The following LRMDA variants were observed in gnomAD, a reference collection of about 807,000 sequenced individuals.
LRMDA encodes the protein leucine rich melanocyte differentiation associated.
In LRMDA, 18 loss-of-function variants were observed where a neutral mutation model predicts 29.8. That is an observed-to-expected ratio of 0.60 (90% confidence interval 0.42 to 0.90). LRMDA has a LOEUF of 0.90. LRMDA is among the 40% of genes least tolerant of loss of function. The pLI, the probability that LRMDA is intolerant of heterozygous loss-of-function variation, is 0.00. For missense variants in LRMDA, 273 were observed against 273.9 expected (o/e 1.00, Z 0.02); for synonymous variants, 125 against 109.4 (o/e 1.14, Z -0.89).
In LRMDA at chr10:76,228,623, G is replaced by A. The variant is rs900827694; in HGVS notation, c.517-95778G>A. Among the ~76,000 whole-genome samples, 3 of 152,272 alleles carry A rather than the reference G, an allele frequency of 2.0e-5. No individual in the cohort carries two copies. The South Asian group carries it at 6.2e-4, about 32-fold the overall frequency. ...ATGCACTGAATCAATTCAGGGTGGG[G>A]CCACAGGAGTGGGGTTGGCGAGTCC... On this transcript the variant is annotated intron_variant, in intron 5 of 6. Transcript: ENST00000611255.
chr10:76,463,365 A>C (rs138411458), intron 6 of LRMDA, among the ~76,000 whole-genome samples: 104 of 152,364 alleles, frequency 6.8e-4, no homozygotes, highest in African/African-American at 2.5e-3. Flanking sequence ...AAAAGCTATC[A>C]TTCTAAACAG....
At chr10:75,917,697 C>T (rs1201166003) in intron 2 of LRMDA, among the ~76,000 whole-genome samples, 3 of 152,178 alleles carry the variant, frequency 2.0e-5, no homozygotes, top group Admixed American at 2.0e-4. Flanking sequence ...TTCTTTATAC[C>T]TCACAACATG....
intron 2 of LRMDA, among the ~76,000 whole-genome samples, chr10:75,936,042 T>A (rs1392946031): frequency 6.6e-6 from 1 of 152,096 alleles, no homozygotes; most frequent in Non-Finnish European, 1.5e-5. Context: ...TGATTATAAG[T>A]GAGAGGCAGT....
At chr10:76,419,172 GT>G (rs1210018127) in intron 6 of LRMDA, among the ~76,000 whole-genome samples, 1 of 152,028 alleles carries the variant, frequency 6.6e-6, no homozygotes, top group African/African-American at 2.4e-5. Context: ...GAAATTACAT[GT>G]TTCCACTATT....
intron 2 of LRMDA, among the ~76,000 whole-genome samples, chr10:75,630,038 C>T (rs1387347399): frequency 3.3e-5 from 5 of 152,194 alleles, no homozygotes; most frequent in Admixed American, 2.0e-4. Flanking sequence ...CATAAATCAT[C>T]GTGATCAGGA....
intron 2 of LRMDA, among the ~76,000 whole-genome samples, chr10:75,986,467 G>T (rs890536879): frequency 1.3e-5 from 2 of 152,216 alleles, no homozygotes; most frequent in Admixed American, 1.3e-4. Flanking sequence ...TGCAATGCTC[G>T]TTGTCATATG....
At chr10:75,791,856 CTTTT>C (rs5786188) in intron 2 of LRMDA, among the ~76,000 whole-genome samples, 1 of 102,056 alleles carries the variant, frequency 9.8e-6, no homozygotes, top group Non-Finnish European at 2.0e-5. Context: ...ATTCCAGGAT[CTTTT>C]TTTTTTTTTT....
intron 5 of LRMDA, among the ~76,000 whole-genome samples, chr10:76,157,213 C>T (rs952891519): frequency 4.6e-5 from 7 of 152,050 alleles, no homozygotes; most frequent in Admixed American, 1.3e-4. Context: ...CCAGTTTCCA[C>T]GTCAGGAAAT....
intron 2 of LRMDA, among the ~76,000 whole-genome samples, chr10:75,507,767 C>A (rs918397465): frequency 1.3e-5 from 2 of 152,180 alleles, no homozygotes; most frequent in Non-Finnish European, 2.9e-5. Context: ...AAAAGCCAAA[C>A]CCTTGGCAGA....
chr10:76,002,581 A>C (rs1847580094), intron 2 of LRMDA, among the ~76,000 whole-genome samples: 1 of 152,222 alleles, frequency 6.6e-6, no homozygotes, highest in Non-Finnish European at 1.5e-5. Context: ...TCCAGCACCC[A>C]GTAGGTACCT....
At position 76,202,899 on chromosome 10, in the gene LRMDA, G is replaced by A. The variant is rs77531643; in HGVS notation, c.517-121502G>A. Among the ~76,000 whole-genome samples the A allele has an allele frequency of 8.3e-3, 1,270 of 152,152 alleles. 19 individuals carry two copies. The highest frequency in any genetic ancestry group is 0.028 in the African/African-American group (1,175 of 41,482). On this transcript the variant is annotated intron_variant, in intron 5 of 6. Coordinates refer to ENST00000611255, the MANE Select transcript of LRMDA (RefSeq NM_001305581.2). ...CAGTTATCCCTGTTCCCTGCTCTGC[G>A]GAGAAATCACCAGCTTAGCAACACT...
rs1286270583 is a variant in LRMDA, at chr10:75,496,871, CTATACACATATGTGTATACATGAGGGGTA to C, written c.131+58396_131+58424del. Among the ~76,000 whole-genome samples, 38 of 151,842 alleles carry C rather than the reference CTATACACATATGTGTATACATGAGGGGTA, an allele frequency of 2.5e-4. 1 individual carries two copies. Among genetic ancestry groups the C allele is most frequent in the Admixed American group, 2.4e-3 (36 of 15,250 alleles). Reference sequence around the variant, plus strand: ...GCACATATGTATATACATGAGGGGTCTATACACATATGTGTATACATGAGGGGTATATACACATATGTGTATATATGACC... The same window carrying C: ...GCACATATGTATATACATGAGGGGTCTATACACATATGTGTATATATGACC... On this transcript the variant is annotated intron_variant, in intron 2 of 6. Coordinates refer to ENST00000611255, the MANE Select transcript of LRMDA (RefSeq NM_001305581.2).
chr10:76,492,244 C>T (rs1439332728), intron 6 of LRMDA, among the ~76,000 whole-genome samples: 1 of 151,972 alleles, frequency 6.6e-6, no homozygotes, highest in East Asian at 1.9e-4. Context: ...TGGATTGTCT[C>T]AATGCTTGTG....
At chr10:75,435,404 G>C (rs1022158745) in intron 1 of LRMDA, among the ~76,000 whole-genome samples, 1 of 152,176 alleles carries the variant, frequency 6.6e-6, no homozygotes, top group African/African-American at 2.4e-5. Context: ...TTCAAGCATT[G>C]CTTGCAATGT....
intron 6 of LRMDA, among the ~76,000 whole-genome samples, chr10:76,508,192 A>C (rs535948995): frequency 6.6e-6 from 1 of 152,262 alleles, no homozygotes; most frequent in Admixed American, 6.5e-5. Context: ...GTTAAGGGGA[A>C]ATCTGTCAGG....
rs75823325 is a variant in LRMDA at position 75,506,003 on chromosome 10, T to G, written c.131+67509T>G. 8.5e-5 allele frequency among the ~76,000 whole-genome samples: 13 copies of G among 152,306 alleles called. No individual in the cohort carries two copies. In the East Asian group the frequency reaches 2.5e-3, roughly 29 times the overall value. ...CACAGAGCCTTTAAGGCTTATTAGTTTCATAGTGAGAAAACCTGCGGTGAA... is the reference window on the plus strand; with the variant it reads ...CACAGAGCCTTTAAGGCTTATTAGTGTCATAGTGAGAAAACCTGCGGTGAA... On this transcript the variant is annotated intron_variant, in intron 2 of 6. Coordinates refer to ENST00000611255, the MANE Select transcript of LRMDA (RefSeq NM_001305581.2).
chr10:76,124,967 T>C (rs555270983), intron 5 of LRMDA, among the ~76,000 whole-genome samples: 2 of 152,268 alleles, frequency 1.3e-5, no homozygotes, highest in Non-Finnish European at 2.9e-5. Flanking sequence ...AAATGTGTGC[T>C]ATAATCATTA....
chr10:75,472,189 A>G (rs1589153505), intron 2 of LRMDA, among the ~76,000 whole-genome samples: 1 of 152,178 alleles, frequency 6.6e-6, no homozygotes, highest in East Asian at 1.9e-4. Context: ...CCCTCTGCCA[A>G]TGTTGATTTC....
chr10:76,459,819 A>C (rs1009868984), intron 6 of LRMDA, among the ~76,000 whole-genome samples: 5 of 152,050 alleles, frequency 3.3e-5, no homozygotes. Context: ...TACAACGTGC[A>C]GGTTTGTTAA....
Sources: allele counts gnomAD v4.1 joint callset (sites outside exome capture counted in the v4.1 genomes callset), GRCh38; gene constraint gnomAD v4.1.1; transcripts MANE v1.5; gene names NCBI Gene and HGNC (gene_info 2026-07-23, HGNC 2026-07-21).